The following RALGPS1 variants were observed in gnomAD, a reference collection of about 807,000 sequenced individuals.
The protein encoded by RALGPS1 is ras-specific guanine nucleotide-releasing factor RalGPS1.
In RALGPS1, 19 loss-of-function variants were observed where a neutral mutation model predicts 78.8. The ratio of observed to expected loss-of-function variants is 0.24; its 90% CI spans 0.17 to 0.35. The LOEUF (loss-of-function observed/expected upper bound fraction) is 0.35. RALGPS1 is among the 10% of genes least tolerant of loss of function. The probability of loss-of-function intolerance (pLI) is 1.00; values close to 1 mark genes in which losing one functional copy is unlikely to be tolerated. For missense variants in RALGPS1, 454 were observed against 688.3 expected, an observed-to-expected ratio of 0.66 and a Z score of 3.81; for synonymous variants, 228 against 256.3, an observed-to-expected ratio of 0.89 and a Z score of 1.06.
chr9:126,989,609 G>A (rs1309940176), intron 4 of RALGPS1, among the ~76,000 whole-genome samples: 1 of 152,146 alleles, frequency 6.6e-6, no homozygotes, highest in Admixed American at 6.5e-5. Context: ...TGGGCCTGCT[G>A]GTCCTCTCCC....
intron 8 of RALGPS1, among the ~76,000 whole-genome samples, chr9:127,144,974 T>C (rs1273029847): frequency 6.6e-6 from 1 of 152,198 alleles, no homozygotes; most frequent in Non-Finnish European, 1.5e-5. Context: ...TGGTAAATTT[T>C]ATGGTGGGTG....
intron 8 of RALGPS1, among the ~76,000 whole-genome samples, chr9:127,093,074 C>G (rs997711868): frequency 6.6e-6 from 1 of 152,098 alleles, no homozygotes; most frequent in Non-Finnish European, 1.5e-5. Context: ...CAAAATAATG[C>G]ACGAAAGCCC....
chr9:127,058,121 G>C (rs1204314384), intron 7 of RALGPS1, among the ~76,000 whole-genome samples: 1 of 152,170 alleles, frequency 6.6e-6, no homozygotes, highest in African/African-American at 2.4e-5. Context: ...GAGATGGCTG[G>C]TGCAAAGCCC....
chr9:126,940,316 A>G (rs1372538401), intron 1 of RALGPS1, among the ~76,000 whole-genome samples: 5 of 152,118 alleles, frequency 3.3e-5, no homozygotes, highest in African/African-American at 1.2e-4. Flanking sequence ...CCTATGATTG[A>G]AAGTCCAAGC....
At chr9:127,189,341 G>T (rs965408267) in intron 11 of RALGPS1, among the ~76,000 whole-genome samples, 46 of 152,194 alleles carry the variant, frequency 3.0e-4, no homozygotes, top group Admixed American at 3.3e-4. Context: ...AGGCGAGGCC[G>T]CTTTGGACTG....
At chr9:126,991,752 A>T (rs1430258665) in intron 4 of RALGPS1, among the ~76,000 whole-genome samples, 1 of 152,172 alleles carries the variant, frequency 6.6e-6, no homozygotes, top group African/African-American at 2.4e-5. Flanking sequence ...TACCCATCTC[A>T]TAGTGTTATG....
At chr9:126,915,826 T>G (rs1435050699) in intron 1 of RALGPS1, among the ~76,000 whole-genome samples, 1 of 145,684 alleles carries the variant, frequency 6.9e-6, no homozygotes, top group Non-Finnish European at 1.5e-5. Flanking sequence ...TTGAAAAATG[T>G]GTGTGCTTGA....
intron 8 of RALGPS1, among the ~76,000 whole-genome samples, chr9:127,160,684 C>T (rs766630986): frequency 1.3e-5 from 2 of 152,234 alleles, no homozygotes; most frequent in Non-Finnish European, 2.9e-5. Context: ...CTGGAATCCT[C>T]ATCCCTGTGC....
intron 4 of RALGPS1, among the ~76,000 whole-genome samples, chr9:127,031,033 G>A (rs1366085332): frequency 1.3e-5 from 2 of 152,148 alleles, no homozygotes; most frequent in Non-Finnish European, 2.9e-5. Context: ...GACCGTCTGG[G>A]CAAGATGTGG....
At chr9:127,047,377 T>G (rs1198627629) in intron 5 of RALGPS1, among the ~76,000 whole-genome samples, 1 of 152,186 alleles carries the variant, frequency 6.6e-6, no homozygotes, top group Non-Finnish European at 1.5e-5. Flanking sequence ...CCAATTTAGT[T>G]TTAAGAGACA....
chr9:126,999,955 G>A (rs1260493468), intron 4 of RALGPS1, among the ~76,000 whole-genome samples: 1 of 152,102 alleles, frequency 6.6e-6, no homozygotes, highest in East Asian at 1.9e-4. Context: ...TTTTCATTGA[G>A]CCTGTGCATT....
At chr9:127,133,671 C>A (rs2057177161) in intron 8 of RALGPS1, among the ~76,000 whole-genome samples, 3 of 152,208 alleles carry the variant, frequency 2.0e-5, no homozygotes. Context: ...GCTTCCAACA[C>A]CTCAAAATCC....
intron 1 of RALGPS1, among the ~76,000 whole-genome samples, chr9:126,945,078 A>G (rs1280247062): frequency 1.3e-5 from 2 of 152,104 alleles, no homozygotes; most frequent in Non-Finnish European, 2.9e-5. Context: ...GAGGCTCCCC[A>G]CTGCTGCCCT....
At chr9:127,060,614 G>A (rs1018813033) in intron 7 of RALGPS1, among the ~76,000 whole-genome samples, 3 of 151,982 alleles carry the variant, frequency 2.0e-5, no homozygotes, top group African/African-American at 4.8e-5. Context: ...GTATGACAGG[G>A]CCTTTTACTT....
intron 5 of RALGPS1, among the ~76,000 whole-genome samples, chr9:127,040,837 C>G (rs1448815213): frequency 6.6e-6 from 1 of 152,168 alleles, no homozygotes; most frequent in Admixed American, 6.5e-5. Flanking sequence ...ACTTTTTTCA[C>G]TTAGCGATAT....
At position 126,928,947 on chromosome 9, in the gene RALGPS1, C is replaced by T. The variant is rs553673939; in HGVS notation, c.-66+13972C>T. On this transcript the variant is annotated intron_variant, in intron 1 of 18. Coordinates refer to ENST00000259351, the MANE Select transcript of RALGPS1 (RefSeq NM_014636.3). Reference sequence around the variant, plus strand: ...TGAGTTCTTGGATATGTTACCTAACCTCTTTGGGCCTCAGTTTTCTCACTT... The same window carrying T: ...TGAGTTCTTGGATATGTTACCTAACTTCTTTGGGCCTCAGTTTTCTCACTT... Among the ~76,000 whole-genome samples, 3 of 152,250 alleles carry T rather than the reference C, an allele frequency of 2.0e-5. No individual in the cohort carries two copies. The South Asian group carries it at 6.2e-4, about 32-fold the overall frequency.
chr9:127,193,266 C>T (rs984492895), intron 11 of RALGPS1, among the ~76,000 whole-genome samples: 7 of 152,198 alleles, frequency 4.6e-5, no homozygotes, highest in Admixed American at 4.6e-4. Context: ...TCCCACCTGA[C>T]ATCCAGTGTT....
chr9:127,208,650 T>A (rs754592312), intron 14 of RALGPS1, among the ~76,000 whole-genome samples: 7 of 152,296 alleles, frequency 4.6e-5, no homozygotes, highest in Admixed American at 6.5e-5. Flanking sequence ...TAGTGACTGC[T>A]TGATCTGTCA....
chr9:127,010,644 G>A (rs187768414), intron 4 of RALGPS1, among the ~76,000 whole-genome samples: 81 of 152,272 alleles, frequency 5.3e-4, no homozygotes, highest in Non-Finnish European at 6.5e-4. Context: ...TGTTCATATT[G>A]TGCTGGCTTC....
Sources: gnomAD v4.1 joint callset for allele counts (sites outside exome capture counted in the v4.1 genomes callset) on GRCh38, gnomAD v4.1.1 for gene constraint, MANE v1.5 for transcripts, NCBI Gene and HGNC (gene_info 2026-07-23, HGNC 2026-07-21) for gene names.